The following HDGF variants were observed in gnomAD, a reference collection of about 807,000 sequenced individuals.
HDGF encodes the protein heparin binding growth factor.
In HDGF, 5 loss-of-function variants were observed where a neutral mutation model predicts 30.0. The ratio of observed to expected loss-of-function variants is 0.17; its 90% CI spans 0.09 to 0.35. The LOEUF (loss-of-function observed/expected upper bound fraction) is 0.35, where lower values mean the gene tolerates loss of function less well. Among genes scored for constraint, HDGF ranks in the 10% least tolerant of loss-of-function variants. HDGF has a pLI of 1.00. For synonymous variants in HDGF, 133 were observed against 112.7 expected (o/e 1.18, Z -1.14); for missense variants, 214 against 302.8 (o/e 0.71, Z 2.18).
rs767590907 is a variant in HDGF at position 156,744,366 on chromosome 1, C to T, written c.304-18G>A. ...TGGGAGGACTGCAGCAGAGACAGCA[C>T]AGGCTGAGTGGCACCAGTCGCTGCC... is the stretch of plus-strand genomic sequence containing the variant. On this transcript the variant is annotated intron_variant, in intron 3 of 5. Coordinates refer to ENST00000357325, the MANE Select transcript of HDGF (RefSeq NM_004494.3). 6.2e-7 allele frequency: 1 copy of T among 1,613,364 alleles called. No individual in the cohort carries two copies. Among genetic ancestry groups the T allele is most frequent in the Non-Finnish European group, 8.5e-7 (1 of 1,179,868 alleles).
chr1:156,747,090 G>A (rs1650606666), intron 1 of HDGF, among the ~76,000 whole-genome samples: 1 of 151,776 alleles, frequency 6.6e-6, no homozygotes, highest in South Asian at 2.1e-4. Flanking sequence ...AGCACAAACT[G>A]GGCCCTTCCC....
upstream of HDGF, among the ~76,000 whole-genome samples, chr1:156,756,167 G>A (rs1651151687): frequency 1.3e-5 from 2 of 152,102 alleles, no homozygotes; most frequent in African/African-American, 4.8e-5. Flanking sequence ...TGGGAGAATC[G>A]CCTGAACCCA....
intron 1 of HDGF, among the ~76,000 whole-genome samples, chr1:156,766,201 C>A (rs749266395): frequency 1.1e-4 from 17 of 152,134 alleles, no homozygotes; most frequent in African/African-American, 3.9e-4. Context: ...ATATCAGGCT[C>A]GTCTGATAGA....
intron 1 of HDGF, among the ~76,000 whole-genome samples, chr1:156,764,436 A>G (rs1651312960): frequency 7.0e-6 from 1 of 143,570 alleles, no homozygotes; most frequent in South Asian, 2.2e-4. Context: ...ACCTCAGGGG[A>G]TCCGCCCGCC....
upstream of HDGF, chr1:156,752,442 C>A (rs764587804): frequency 2.1e-4 from 272 of 1,318,738 alleles, no homozygotes; most frequent in Non-Finnish European, 2.3e-4. Context: ...AAGATGAGCT[C>A]AGTTCTAGTC....
At chr1:156,751,958 T>C, upstream of HDGF, 1 of 1,341,932 alleles carries the variant, frequency 7.5e-7, no homozygotes, top group Non-Finnish European at 1.0e-6. The surrounding 1 kb of genome is among the most constrained non-coding windows in gnomAD (Gnocchi z 4.7). Flanking sequence ...GGTCGGTGGG[T>C]GCCCGCCCGC....
intron 4 of HDGF, 60 bp from the exon 5 acceptor site, chr1:156,743,938 A>T (rs899778191): frequency 4.7e-6 from 6 of 1,280,034 alleles, no homozygotes; most frequent in Non-Finnish European, 6.8e-6. Context: ...CCAGCCACCC[A>T]CTCCTCTCCT....
intron 1 of HDGF, among the ~76,000 whole-genome samples, chr1:156,765,592 A>T (rs1651346574): frequency 7.0e-6 from 1 of 143,434 alleles, no homozygotes; most frequent in Admixed American, 7.4e-5. Context: ...CTCCTGCCTC[A>T]GCCTCACGAG....
intron 3 of HDGF, among the ~76,000 whole-genome samples, chr1:156,744,726 T>C (rs574220348): frequency 1.3e-5 from 2 of 148,372 alleles, no homozygotes; most frequent in Non-Finnish European, 3.0e-5. Flanking sequence ...GGCTGTGTCC[T>C]ATACTCACAC....
intron 2 of HDGF, among the ~76,000 whole-genome samples, chr1:156,757,494 A>C (rs1651173004): frequency 6.9e-6 from 1 of 145,284 alleles, no homozygotes; most frequent in Admixed American, 6.9e-5. Flanking sequence ...AAATAAAATA[A>C]ATAAATTTAA....
upstream of HDGF, chr1:156,752,310 A>G (rs902241764): frequency 6.4e-7 from 1 of 1,551,648 alleles, no homozygotes. Context: ...TGAGTTTGGT[A>G]GCCAGGAGAT....
intron 1 of HDGF, among the ~76,000 whole-genome samples, chr1:156,749,623 GGA>G (rs1650829965): frequency 6.6e-6 from 1 of 152,146 alleles, no homozygotes; most frequent in Admixed American, 6.5e-5. Context: ...GGCCCAAAGT[GGA>G]GAGAAAATGG....
intron 1 of HDGF, among the ~76,000 whole-genome samples, chr1:156,760,738 G>A (rs1651235175): frequency 6.6e-6 from 1 of 152,068 alleles, no homozygotes; most frequent in South Asian, 2.1e-4. Flanking sequence ...CAGTCACCCT[G>A]ACACACCCTG....
upstream of HDGF, among the ~76,000 whole-genome samples, chr1:156,752,765 A>G (rs150893217): frequency 6.8e-4 from 104 of 152,320 alleles, 1 homozygote; most frequent in Non-Finnish European, 1.1e-3. Flanking sequence ...CCAGACACCT[A>G]TGTTCCCTTA....
chr1:156,744,180 C>A lies in HDGF; in HGVS notation c.472G>T (p.Ala158Ser). The A allele has an allele frequency of 6.2e-7, 1 of 1,613,630 alleles. No homozygotes were observed. The change falls in exon 4 of 6, where the codon GCA becomes TCA. Residue 158 changes from alanine (A) to serine (S), a missense_variant. By Grantham distance (99) the Ala-to-Ser change is moderately conservative (BLOSUM62 1). Coordinates refer to ENST00000357325, the MANE Select transcript of HDGF (RefSeq NM_004494.3). ...KNEKGALKRR[A>S]GDLLEDSPKR... Reference sequence around the variant, plus strand: ...GCAGTTACCTCCAGCAAGTCCCCTGCTCTCCTCTTCAACGCTCCTTTCTCG... The same window carrying A: ...GCAGTTACCTCCAGCAAGTCCCCTGATCTCCTCTTCAACGCTCCTTTCTCG...
upstream of HDGF, among the ~76,000 whole-genome samples, chr1:156,756,539 G>A (rs1173557597): frequency 6.6e-6 from 1 of 152,090 alleles, no homozygotes; most frequent in Admixed American, 6.5e-5. Flanking sequence ...CCTGCAGCAA[G>A]TTACTCAACC....
At chr1:156,746,172 T>G (rs145605122) in intron 1 of HDGF, among the ~76,000 whole-genome samples, 273 of 152,372 alleles carry the variant, frequency 1.8e-3, no homozygotes, top group African/African-American at 6.0e-3. Context: ...GACTTCCCCT[T>G]TACAGTGCTT....
At chr1:156,744,598 A>T in intron 3 of HDGF, 1 of 1,472,460 alleles carries the variant, frequency 6.8e-7, no homozygotes, top group Non-Finnish European at 9.0e-7. Flanking sequence ...ACCTCGGGTC[A>T]ACTTCTCCCA....
rs1338648843 is a variant in HDGF at position 156,743,326 on chromosome 1, TAGAAG to T, written c.*118_*122del. On this transcript the variant is annotated 3_prime_UTR_variant, in exon 6 of 6. Coordinates refer to ENST00000357325, the MANE Select transcript of HDGF (RefSeq NM_004494.3). ...CTGGGCTTGGAGTGGGAAAAGTGAG[TAGAAG>T]AGGAGAGCAGGTTGGGGTGGGAAAG... 2.8e-6 allele frequency: 3 copies of T among 1,054,560 alleles called. No homozygotes were observed. Among genetic ancestry groups the T allele is most frequent in the East Asian group, 5.2e-5 (2 of 38,540 alleles). The allele number at this position is 1,054,560 out of a possible 1,614,324, so 65.3% of individuals were successfully genotyped here. A position where few individuals can be genotyped will look rare whatever the true frequency, so the allele number is the denominator to read the frequency against.
Sources: allele counts gnomAD v4.1 joint callset (sites outside exome capture counted in the v4.1 genomes callset), GRCh38; gene constraint gnomAD v4.1.1; non-coding constraint Gnocchi (gnomAD v3.1); transcripts MANE v1.5; gene names NCBI Gene and HGNC (gene_info 2026-07-23, HGNC 2026-07-21).